Variants in SSRP1 observed in about 807,000 individuals in gnomAD.
SSRP1 encodes the protein structure specific recognition protein 1.
Under a neutral mutation model 84.4 loss-of-function variants are expected in SSRP1, and 21 were observed. The observed-to-expected ratio is 0.25, with a 90% CI of 0.18 to 0.36. The LOEUF (loss-of-function observed/expected upper bound fraction) is 0.36. SSRP1 is among the 10% of genes least tolerant of loss of function. SSRP1 has a pLI of 1.00. For missense variants in SSRP1, 519 were observed against 900.8 expected (o/e 0.58, Z 5.43); for synonymous variants, 319 against 318.3 (o/e 1.00, Z -0.02).
chr11:57,334,924 T>C, intron 2 of SSRP1, 144 bp downstream of exon 2: 1 of 966,198 alleles, frequency 1.0e-6, no homozygotes, highest in South Asian at 1.4e-5. Context: ...AGTATTGCCT[T>C]GAGTTGGTGG....
At chr11:57,334,857 A>G (rs1237802979) in intron 2 of SSRP1, among the ~76,000 whole-genome samples, 1 of 152,224 alleles carries the variant, frequency 6.6e-6, no homozygotes, top group Non-Finnish European at 1.5e-5. Flanking sequence ...CATTTGTAAA[A>G]CAGGAATTGG....
chr11:57,326,396 T>A lies in SSRP1; in HGVS notation c.*11A>T. ...TGAGAAGGCAAGCGCAAAGAGAACC[T>A]TCCTCCGTTTCTACTCATCGGATCC... On this transcript the variant is annotated 3_prime_UTR_variant, in exon 17 of 17. Coordinates refer to ENST00000278412, the MANE Select transcript of SSRP1 (RefSeq NM_003146.3). The A allele has an allele frequency of 6.2e-7, 1 of 1,614,042 alleles. No homozygotes were observed. Among genetic ancestry groups the A allele is most frequent in the South Asian group, 1.1e-5 (1 of 91,086 alleles).
chr11:57,327,185 G>A (rs574504604), intron 15 of SSRP1: 20 of 644,120 alleles, frequency 3.1e-5, no homozygotes, highest in African/African-American at 7.3e-5. Flanking sequence ...TATTTTTTTC[G>A]TTCCCCCATA....
Position 57,330,160 on chromosome 11 carries a change from A to G in SSRP1, c.1436-22T>C. Reference sequence around the variant, plus strand: ...TCATCTGAAAAAGGGCACAGGATGCATCAGCTTCTGCCCCAATGGAAATCC... The same window carrying G: ...TCATCTGAAAAAGGGCACAGGATGCGTCAGCTTCTGCCCCAATGGAAATCC... On this transcript the variant is annotated intron_variant, in intron 11 of 16. Transcript: ENST00000278412. The surrounding 1 kb of genome is among the most constrained non-coding windows in gnomAD (Gnocchi z 4.0). 6.2e-7 allele frequency: 1 copy of G among 1,614,168 alleles called. No individual in the cohort carries two copies. Among genetic ancestry groups the G allele is most frequent in the Non-Finnish European group, 8.5e-7 (1 of 1,180,036 alleles).
At position 57,330,961 on chromosome 11, in the gene SSRP1, G is replaced by A; in HGVS notation, c.1224-34C>T. On this transcript the variant is annotated intron_variant, in intron 9 of 16. Coordinates refer to ENST00000278412, the MANE Select transcript of SSRP1 (RefSeq NM_003146.3). This position sits in a 1 kb window ranked among gnomAD's most constrained non-coding sequence, Gnocchi z 4.0. ...GGACATGCACCATGTTACCAGAGAG[G>A]TAGTGCCAACACAGGGGCACACTAA... 1.2e-6 allele frequency: 2 copies of A among 1,609,942 alleles called. No individual in the cohort carries two copies. The highest frequency in any genetic ancestry group is 1.7e-6 in the Non-Finnish European group (2 of 1,176,298).
At position 57,332,489 on chromosome 11, in the gene SSRP1, A is replaced by G; in HGVS notation, c.769-3T>C. The G allele has an allele frequency of 1.2e-6, 2 of 1,614,020 alleles. No homozygotes were observed. Among genetic ancestry groups the G allele is most frequent in the Non-Finnish European group, 1.7e-6 (2 of 1,179,954 alleles). On this transcript the variant is annotated splice_polypyrimidine_tract_variant and splice_region_variant and intron_variant, in intron 6 of 16. Coordinates refer to ENST00000278412, the MANE Select transcript of SSRP1 (RefSeq NM_003146.3). The surrounding 1 kb of genome is among the most constrained non-coding windows in gnomAD (Gnocchi z 5.5). ...TTGATTGGGGGATCCAGGCTGATCTAGTAAGGAAGAGTACTAATTGACACT... is the reference window on the plus strand; with the variant it reads ...TTGATTGGGGGATCCAGGCTGATCTGGTAAGGAAGAGTACTAATTGACACT...
chr11:57,331,656 G>C lies in SSRP1; in HGVS notation c.1223+12C>G. On this transcript the variant is annotated intron_variant, in intron 9 of 16. Transcript: ENST00000278412. Reference sequence around the variant, plus strand: ...CCAGGATGCCCAGGAAGTGACAGGTGGAGGTTCTCACCTCTCAATGCTGCT... The same window carrying C: ...CCAGGATGCCCAGGAAGTGACAGGTCGAGGTTCTCACCTCTCAATGCTGCT... 2 of 1,606,916 alleles carry C rather than the reference G, an allele frequency of 1.2e-6. No individual in the cohort carries two copies. The highest frequency in any genetic ancestry group is 1.7e-6 in the Non-Finnish European group (2 of 1,173,498).
intron 8 of SSRP1, 63 bp from the exon 9 acceptor site, chr11:57,331,952 G>C (rs939025143): frequency 3.3e-6 from 5 of 1,528,270 alleles, no homozygotes; most frequent in African/African-American, 1.4e-5. Flanking sequence ...GGCGTATCTA[G>C]CAGCAGCGAC....
intron 4 of SSRP1, 67 bp from the exon 5 acceptor site, chr11:57,333,216 C>G: frequency 6.6e-7 from 1 of 1,511,292 alleles, no homozygotes; most frequent in Non-Finnish European, 9.0e-7. Context: ...ATATTCCCAC[C>G]AAACTGAGTT....
chr11:57,329,936 A>G, intron 12 of SSRP1, 157 bp downstream of exon 12: 1 of 920,832 alleles, frequency 1.1e-6, no homozygotes, highest in Non-Finnish European at 1.7e-6. Flanking sequence ...AGCCCTTGAC[A>G]ATTTCCAAAA....
intron 12 of SSRP1, chr11:57,329,551 A>G (rs552965625): frequency 1.7e-4 from 28 of 161,250 alleles, no homozygotes; most frequent in African/African-American, 5.3e-4. Flanking sequence ...AATTAAGGAA[A>G]TCGGAAGAAA....
At chr11:57,327,342 C>T (rs1186266145) in intron 15 of SSRP1, 84 bp downstream of exon 15, 2 of 1,399,604 alleles carry the variant, frequency 1.4e-6, no homozygotes, top group Non-Finnish European at 2.0e-6. Context: ...CTGTCTTTAA[C>T]TTTCCAATGC....
intron 8 of SSRP1, 56 bp from the exon 9 acceptor site, chr11:57,331,945 G>A (rs919872733): frequency 2.5e-5 from 38 of 1,538,548 alleles, no homozygotes; most frequent in Middle Eastern, 4.5e-4. Context: ...GGCAAAGGGC[G>A]TATCTAGCAG....
In SSRP1 at chr11:57,328,318, C is replaced by T. The variant is rs1319838352; in HGVS notation, c.1590G>A (p.Lys530=). The change falls in exon 13 of 17, where the codon AAG becomes AAA. Residue 530 remains lysine, a synonymous_variant. Transcript: ENST00000278412. The part of the protein sequence containing the change: ...LKKAKMAKDR[K]SRKKPVEVKK... Reference sequence around the variant, plus strand: ...GCACCTCCACAGGCTTCTTGCGGCTCTTGCGGTCCTTGGCCATCTTGGCCT... The same window carrying T: ...GCACCTCCACAGGCTTCTTGCGGCTTTTGCGGTCCTTGGCCATCTTGGCCT... 2.5e-6 allele frequency: 4 copies of T among 1,614,198 alleles called. No homozygotes were observed. The highest frequency in any genetic ancestry group is 3.3e-5 in the Admixed American group (2 of 60,028).
At chr11:57,327,908 G>C in intron 13 of SSRP1, 26 bp from the exon 14 acceptor site, 2 of 1,607,336 alleles carry the variant, frequency 1.2e-6, no homozygotes, top group Non-Finnish European at 8.5e-7. Flanking sequence ...AATGCCTTCA[G>C]CTATTTCCCA....
Position 57,335,267 on chromosome 11 carries a change from C to T in SSRP1, c.-119-27G>A. 1.3e-6 allele frequency: 1 copy of T among 798,102 alleles called. No homozygotes were observed. The highest frequency in any genetic ancestry group is 1.4e-5 in the South Asian group (1 of 72,120). 49.4% of individuals were successfully genotyped at this position (798,102 alleles called of 1,614,324 possible). ...TGAATTCAAGAGGAAGACAGATAAG[C>T]ATGAAAGACAGCACCTCGCTGTGCT... On this transcript the variant is annotated intron_variant, in intron 1 of 16. Transcript: ENST00000278412. The surrounding 1 kb of genome is among the most constrained non-coding windows in gnomAD (Gnocchi z 4.6).
At chr11:57,329,912 T>A in intron 12 of SSRP1, 181 bp downstream of exon 12, 1 of 737,002 alleles carries the variant, frequency 1.4e-6, no homozygotes, top group Non-Finnish European at 2.3e-6. Context: ...TCAAAATATG[T>A]CTTGCACTTA....
chr11:57,328,246 C>A, intron 13 of SSRP1, 51 bp downstream of exon 13: 4 of 1,595,286 alleles, frequency 2.5e-6, no homozygotes, highest in Non-Finnish European at 3.4e-6. Context: ...ATGCCTCCCA[C>A]GCCCCCCACC....
rs746040644 is a variant in SSRP1 at position 57,332,241 on chromosome 11, C to G, written c.912G>C (p.Lys304Asn). The G allele has an allele frequency of 6.2e-7, 1 of 1,614,052 alleles. No homozygotes were observed. Among genetic ancestry groups the G allele is most frequent in the East Asian group, 2.2e-5 (1 of 44,874 alleles). ...VEKRFEGRLTKNMSGSLYEMV... is the reference protein window; with the variant it reads ...VEKRFEGRLTNNMSGSLYEMV... ...TCTCATAGAGGGATCCTGACATGTT[C>G]TTGGTGAGCCGACCCTCAAAGCGCT... Residue 304 changes from lysine to asparagine, a missense_variant, in exon 8 of 17, where the codon AAG becomes AAC. Physicochemically the swap from Lys to Asn is moderately conservative, Grantham distance 94. Transcript: ENST00000278412. This position sits in a 1 kb window ranked among gnomAD's most constrained non-coding sequence, Gnocchi z 5.5.
Sources: allele counts gnomAD v4.1 joint callset (sites outside exome capture counted in the v4.1 genomes callset), GRCh38; gene constraint gnomAD v4.1.1; non-coding constraint Gnocchi (gnomAD v3.1); transcripts MANE v1.5; gene names NCBI Gene and HGNC (gene_info 2026-07-23, HGNC 2026-07-21).